Variants in NUP160 observed in about 807,000 individuals in gnomAD.
NUP160 encodes the protein nucleoporin 160.
NUP160 carries 94 observed loss-of-function variants against 196.9 expected under a neutral mutation model. That is an observed-to-expected ratio of 0.48 (90% CI 0.40 to 0.57). The LOEUF is 0.57. NUP160 is among the 20% of genes least tolerant of loss of function. The pLI is 0.00. For missense variants in NUP160, 1,638 were observed against 1,748.3 expected (o/e 0.94, Z 1.13); for synonymous variants, 605 against 619.7 (o/e 0.98, Z 0.35).
intron 33 of NUP160, among the ~76,000 whole-genome samples, chr11:47,784,414 A>G (rs1030921429): frequency 6.6e-6 from 1 of 152,228 alleles, no homozygotes; most frequent in Non-Finnish European, 1.5e-5. Context: ...CCATAGTGTT[A>G]TATTATTTGA....
At chr11:47,804,064 C>T (rs1284768517) in intron 21 of NUP160, among the ~76,000 whole-genome samples, 1 of 151,780 alleles carries the variant, frequency 6.6e-6, no homozygotes, top group Admixed American at 6.6e-5. Context: ...GCCTGTAATC[C>T]CAGCTACTCG....
intron 5 of NUP160, 141 bp downstream of exon 5, chr11:47,837,404 G>C: frequency 1.5e-6 from 1 of 673,096 alleles, no homozygotes; most frequent in Non-Finnish European, 2.6e-6. Flanking sequence ...GCTTTCCTCA[G>C]ATGGAATTTA....
chr11:47,824,052 T>TAC (rs59415997), intron 7 of NUP160, among the ~76,000 whole-genome samples: 4,763 of 92,832 alleles, frequency 0.051, 251 homozygotes, highest in Non-Finnish European at 0.066. Flanking sequence ...TATATATATA[T>TAC]ACACACACAC....
At chr11:47,817,403 C>G (rs529594961) in intron 11 of NUP160, among the ~76,000 whole-genome samples, 1 of 146,778 alleles carries the variant, frequency 6.8e-6, no homozygotes, top group Non-Finnish European at 1.5e-5. Context: ...AGTGCAGTGG[C>G]GCAATCTTGG....
chr11:47,796,540 A>G (rs1459086452), intron 27 of NUP160, among the ~76,000 whole-genome samples: 1 of 152,154 alleles, frequency 6.6e-6, no homozygotes, highest in Non-Finnish European at 1.5e-5. Context: ...AAAGGAAAGG[A>G]GGGAAGAGGA....
At chr11:47,830,592 A>G (rs1222964332) in intron 7 of NUP160, among the ~76,000 whole-genome samples, 1 of 152,324 alleles carries the variant, frequency 6.6e-6, no homozygotes, top group East Asian at 1.9e-4. Context: ...TATCCTCAGC[A>G]AAATAATGCA....
intron 22 of NUP160, 113 bp from the exon 23 acceptor site, chr11:47,802,043 T>C: frequency 4.5e-6 from 4 of 894,956 alleles, no homozygotes; most frequent in Non-Finnish European, 3.4e-6. Flanking sequence ...TTACTTAACA[T>C]GGTCTACTCT....
chr11:47,790,449 C>T (rs1478415247), intron 29 of NUP160, among the ~76,000 whole-genome samples: 2 of 152,034 alleles, frequency 1.3e-5, no homozygotes, highest in Non-Finnish European at 2.9e-5. Flanking sequence ...TTACTAGAGA[C>T]GGGGTTTCAT....
At chr11:47,834,642 T>C (rs1565207917) in intron 7 of NUP160, among the ~76,000 whole-genome samples, 1 of 152,088 alleles carries the variant, frequency 6.6e-6, no homozygotes, top group East Asian at 1.9e-4. Context: ...GGGTTCGGCA[T>C]AAGGAGTCAG....
At chr11:47,831,186 C>CAAA (rs1476481250) in intron 7 of NUP160, among the ~76,000 whole-genome samples, 22 of 151,944 alleles carry the variant, frequency 1.4e-4, no homozygotes, top group Admixed American at 7.2e-4. Context: ...ACAACAACAA[C>CAAA]AAAAAAGCAA....
intron 29 of NUP160, among the ~76,000 whole-genome samples, chr11:47,790,659 TAGG>T (rs1196540681): frequency 2.0e-5 from 3 of 152,064 alleles, no homozygotes; most frequent in African/African-American, 7.2e-5. Context: ...GAGTCCGAGG[TAGG>T]AGGATTGCTT....
chr11:47,790,323 G>T (rs908507057), intron 29 of NUP160, among the ~76,000 whole-genome samples: 1 of 151,912 alleles, frequency 6.6e-6, no homozygotes, highest in South Asian at 2.1e-4. Flanking sequence ...GCAGTGGCGC[G>T]ATCTCAGCCC....
chr11:47,821,950 A>C, intron 8 of NUP160, 129 bp from the exon 9 acceptor site: 1 of 987,874 alleles, frequency 1.0e-6, no homozygotes, highest in Non-Finnish European at 1.5e-6. Flanking sequence ...GAATTTGGTA[A>C]AGTCTAAATG....
chr11:47,826,642 A>G (rs999033475), intron 7 of NUP160, among the ~76,000 whole-genome samples: 17 of 149,442 alleles, frequency 1.1e-4, no homozygotes, highest in Non-Finnish European at 1.9e-4. Flanking sequence ...CGCTCACTGC[A>G]ACATCTGCCT....
intron 34 of NUP160, among the ~76,000 whole-genome samples, chr11:47,782,813 T>C (rs2097662237): frequency 6.6e-6 from 1 of 152,074 alleles, no homozygotes; most frequent in Non-Finnish European, 1.5e-5. Flanking sequence ...TACGTGCCAC[T>C]GCATCTGGCT....
chr11:47,808,146 T>TG (rs2097678857), intron 18 of NUP160, among the ~76,000 whole-genome samples: 1 of 152,192 alleles, frequency 6.6e-6, no homozygotes, highest in Non-Finnish European at 1.5e-5. Flanking sequence ...CTGGGCATGA[T>TG]GGCAGGTGCC....
intron 7 of NUP160, among the ~76,000 whole-genome samples, chr11:47,827,491 G>C (rs1851994937): frequency 6.6e-6 from 1 of 151,992 alleles, no homozygotes; most frequent in Non-Finnish European, 1.5e-5. Context: ...AATTAGGAAT[G>C]AGGCAAAGAT....
At chr11:47,807,450 G>A (rs1195882304) in intron 18 of NUP160, among the ~76,000 whole-genome samples, 1 of 152,106 alleles carries the variant, frequency 6.6e-6, no homozygotes, top group Non-Finnish European at 1.5e-5. Context: ...TGGATCACCT[G>A]AGGTCAGGAG....
intron 17 of NUP160, among the ~76,000 whole-genome samples, chr11:47,810,400 A>G (rs1373321009): frequency 6.6e-6 from 1 of 151,980 alleles, no homozygotes; most frequent in East Asian, 1.9e-4. Context: ...GGGTTTGCCC[A>G]GACTGGTCTC....
Sources: gnomAD v4.1 joint callset for allele counts (sites outside exome capture counted in the v4.1 genomes callset) on GRCh38, gnomAD v4.1.1 for gene constraint, MANE v1.5 for transcripts, NCBI Gene and HGNC (gene_info 2026-07-23, HGNC 2026-07-21) for gene names.